TMEFF2: variants seen among roughly 807,000 people sequenced by gnomAD.
The protein encoded by TMEFF2 is tomoregulin-2.
A neutral mutation model predicts 53.8 loss-of-function variants in TMEFF2; 28 were observed. That is an observed-to-expected ratio of 0.52 (90% CI 0.39 to 0.71). TMEFF2 has a LOEUF of 0.71. Among genes scored for constraint, TMEFF2 ranks in the 30% least tolerant of loss-of-function variants. TMEFF2 has a pLI of 0.00. For synonymous variants in TMEFF2, 162 were observed against 166.3 expected, an observed-to-expected ratio of 0.97 and a Z score of 0.20; for missense variants, 353 against 455.2, an observed-to-expected ratio of 0.78 and a Z score of 2.04.
At chr2:192,151,637 GA>G (rs1351457603) in intron 4 of TMEFF2, among the ~76,000 whole-genome samples, 4 of 151,844 alleles carry the variant, frequency 2.6e-5, no homozygotes, top group African/African-American at 9.7e-5. Context: ...CCCCAGACTA[GA>G]AGTGTAAACA....
At chr2:192,117,781 C>T (rs373989732) in intron 4 of TMEFF2, among the ~76,000 whole-genome samples, 9 of 151,988 alleles carry the variant, frequency 5.9e-5, no homozygotes, top group African/African-American at 2.2e-4. Flanking sequence ...AACTTTGTAA[C>T]ATCACTTCAG....
rs115776965 is a variant in TMEFF2 at position 192,129,980 on chromosome 2, A to G, written c.439+49688T>C. On this transcript the variant is annotated intron_variant, in intron 4 of 9. Transcript: ENST00000272771. ...AGCTTAATTTAACTGCAACTGTATT[A>G]TTTTCCCTAAATATAAAACAAATAG... Among the ~76,000 whole-genome samples, 527 of 152,296 alleles carry G rather than the reference A, an allele frequency of 3.5e-3. 3 individuals carry two copies. Among genetic ancestry groups the G allele is most frequent in the African/African-American group, 0.012 (515 of 41,564 alleles).
At chr2:192,021,974 T>C (rs1686869783) in intron 5 of TMEFF2, 1 of 152,254 alleles carries the variant, frequency 6.6e-6, no homozygotes, top group Admixed American at 6.5e-5. Flanking sequence ...TGTTCCTTTG[T>C]AGGTATCTAA....
At position 191,953,717 on chromosome 2, in the gene TMEFF2, C is replaced by T. The variant is rs1318691038; in HGVS notation, c.990G>A (p.Gln330=). ...GGACCACCACACAGATGACAGCAATCTGAATTGTTCCAATCACAGCTGCGA... is the reference window on the plus strand; with the variant it reads ...GGACCACCACACAGATGACAGCAATTTGAATTGTTCCAATCACAGCTGCGA... ...VLIAAVIGTI[Q]IAVICVVVLC... Residue 330 remains glutamine, a synonymous_variant, in exon 9 of 10, where the codon CAG becomes CAA. Transcript: ENST00000272771. 6.2e-7 allele frequency: 1 copy of T among 1,613,948 alleles called. No homozygotes were observed. Among genetic ancestry groups the T allele is most frequent in the Non-Finnish European group, 8.5e-7 (1 of 1,179,984 alleles).
intron 2 of TMEFF2, among the ~76,000 whole-genome samples, chr2:192,184,990 T>A (rs891341719): frequency 1.3e-5 from 2 of 152,080 alleles, no homozygotes; most frequent in African/African-American, 4.8e-5. Flanking sequence ...CTAGTCCTTG[T>A]AAATTTCCAA....
intron 4 of TMEFF2, among the ~76,000 whole-genome samples, chr2:192,068,527 A>C (rs2105913439): frequency 6.6e-6 from 1 of 151,954 alleles, no homozygotes; most frequent in South Asian, 2.1e-4. Context: ...AGAAATAAAT[A>C]AGAAGTCCCT....
chr2:192,087,830 GA>G (rs1688700712), intron 4 of TMEFF2, among the ~76,000 whole-genome samples: 2 of 152,026 alleles, frequency 1.3e-5, no homozygotes, highest in African/African-American at 4.8e-5. Context: ...CCTTTAAGAA[GA>G]AAACCATAAT....
intron 7 of TMEFF2, among the ~76,000 whole-genome samples, chr2:191,962,726 G>C (rs1692309226): frequency 6.6e-6 from 1 of 152,180 alleles, no homozygotes; most frequent in African/African-American, 2.4e-5. Flanking sequence ...TGTAGATTTA[G>C]TTAGAAATCC....
At chr2:192,038,335 T>G (rs1406950215) in intron 5 of TMEFF2, among the ~76,000 whole-genome samples, 1 of 152,180 alleles carries the variant, frequency 6.6e-6, no homozygotes, top group Admixed American at 6.5e-5. Context: ...GGAATACTAA[T>G]AGTACATAAC....
At chr2:192,140,445 G>T (rs966455245) in intron 4 of TMEFF2, among the ~76,000 whole-genome samples, 31 of 152,186 alleles carry the variant, frequency 2.0e-4, no homozygotes, top group Admixed American at 1.3e-4. Flanking sequence ...CACCGAGGGA[G>T]ATGATATTTC....
rs1456816730 is a variant in TMEFF2, at chr2:192,069,814, A to AT, written c.440-12040dup. 1.5e-4 allele frequency among the ~76,000 whole-genome samples: 22 copies of AT among 151,660 alleles called. No homozygotes were observed. In the East Asian group the frequency reaches 4.3e-3, roughly 29 times the overall value. ...TATTTAGAACTTCTTAATGAGGCTA[A>AT]TTTTTTCAACTTTAGGTTTTTAAAT... On this transcript the variant is annotated intron_variant, in intron 4 of 9. Transcript: ENST00000272771.
intron 4 of TMEFF2, among the ~76,000 whole-genome samples, chr2:192,090,898 T>C (rs1688775390): frequency 6.6e-6 from 1 of 152,144 alleles, no homozygotes; most frequent in Non-Finnish European, 1.5e-5. Context: ...GACAAGAAGT[T>C]ATTCATCTAC....
At position 192,089,232 on chromosome 2, in the gene TMEFF2, T is replaced by C. The variant is rs570297809; in HGVS notation, c.440-31457A>G. Among the ~76,000 whole-genome samples the C allele has an allele frequency of 2.0e-5, 3 of 152,174 alleles. 1 individual carries two copies. The South Asian group carries it at 6.2e-4, about 32-fold the overall frequency. On this transcript the variant is annotated intron_variant, in intron 4 of 9. Transcript: ENST00000272771. The stretch of plus-strand genomic sequence containing the variant: ...CTTTTCCCTTTATTTTTAAATCCCT[T>C]TAGGCTCAGGAAAGGCCTTTTTCCT...
chr2:191,973,061 T>A (rs1040253535), intron 7 of TMEFF2, among the ~76,000 whole-genome samples: 47 of 152,282 alleles, frequency 3.1e-4, no homozygotes, highest in African/African-American at 1.1e-3. Context: ...ACGAAGAATT[T>A]GGGGATGTAA....
intron 4 of TMEFF2, among the ~76,000 whole-genome samples, chr2:192,131,115 A>T (rs370734759): frequency 1.3e-4 from 1 of 7,822 alleles, no homozygotes; most frequent in East Asian, 4.5e-3. Flanking sequence ...TTCTGGGAAA[A>T]GGGCAAGTAC....
chr2:191,951,574 C>T (rs1007140854), intron 9 of TMEFF2, among the ~76,000 whole-genome samples: 1 of 152,016 alleles, frequency 6.6e-6, no homozygotes, highest in Admixed American at 6.5e-5. Context: ...TTAGCAAGAC[C>T]TATTTTGAAA....
At chr2:192,087,393 T>C (rs1284870292) in intron 4 of TMEFF2, among the ~76,000 whole-genome samples, 1 of 152,094 alleles carries the variant, frequency 6.6e-6, no homozygotes, top group Non-Finnish European at 1.5e-5. Flanking sequence ...GGAATTAATA[T>C]TGGTCCTGAA....
chr2:192,095,058 C>T (rs944797851), intron 4 of TMEFF2, among the ~76,000 whole-genome samples: 2 of 152,084 alleles, frequency 1.3e-5, no homozygotes, highest in African/African-American at 4.8e-5. Context: ...TCCAGCATCC[C>T]ACTAGCAACA....
rs1008886703 is a variant in TMEFF2 at position 192,096,184 on chromosome 2, T to C, written c.440-38409A>G. ...CTCAAACTATGACTTGGTCCCCCAT[T>C]AATGTTACAATGAAATCAATGGAAT... On this transcript the variant is annotated intron_variant, in intron 4 of 9. Transcript: ENST00000272771. Among the ~76,000 whole-genome samples the C allele has an allele frequency of 2.6e-5, 4 of 152,314 alleles. 1 individual carries two copies. Among genetic ancestry groups the C allele is most frequent in the Middle Eastern group, 6.8e-3 (2 of 294 alleles).
Sources: gnomAD v4.1 joint callset for allele counts (sites outside exome capture counted in the v4.1 genomes callset) on GRCh38, gnomAD v4.1.1 for gene constraint, MANE v1.5 for transcripts, NCBI Gene and HGNC (gene_info 2026-07-23, HGNC 2026-07-21) for gene names.